PTK2: variants seen among roughly 807,000 people sequenced by gnomAD.
PTK2 encodes the protein protein tyrosine kinase 2.
A neutral mutation model predicts 150.1 loss-of-function variants in PTK2; 45 were observed. The observed-to-expected ratio is 0.30, with a 90% confidence interval of 0.24 to 0.38. The LOEUF (loss-of-function observed/expected upper bound fraction) is 0.38, where lower values mean the gene tolerates loss of function less well. Among genes scored for constraint, PTK2 ranks in the 10% least tolerant of loss-of-function variants. PTK2 has a pLI of 1.00. For missense variants in PTK2, 919 were observed against 1,307.3 expected (o/e 0.70, Z 4.58); for synonymous variants, 432 against 449.2 (o/e 0.96, Z 0.48).
intron 1 of PTK2, among the ~76,000 whole-genome samples, chr8:140,956,604 G>A (rs927104099): frequency 3.9e-5 from 6 of 152,150 alleles, no homozygotes; most frequent in Admixed American, 6.5e-5. Context: ...ATTCCAGAAG[G>A]CACTGTTAAC....
chr8:140,764,079 T>C, intron 15 of PTK2, 155 bp downstream of exon 17: 1 of 734,394 alleles, frequency 1.4e-6, no homozygotes, highest in South Asian at 1.6e-5. Flanking sequence ...CATATGTAAG[T>C]AATATAGAAT....
intron 2 of PTK2, among the ~76,000 whole-genome samples, chr8:140,912,731 C>G (rs1031041170): frequency 1.3e-5 from 2 of 151,978 alleles, no homozygotes; most frequent in African/African-American, 4.8e-5. Flanking sequence ...GAGGCCGAGG[C>G]GGGCGGATCA....
At chr8:140,882,325 T>C (rs776845666) in intron 3 of PTK2, among the ~76,000 whole-genome samples, 5 of 152,172 alleles carry the variant, frequency 3.3e-5, no homozygotes, top group Non-Finnish European at 7.3e-5. Context: ...AGTGCTGCCA[T>C]ATGGAAGTGC....
Position 140,881,465 on chromosome 8 carries a change from C to T in PTK2, c.196-1828G>A, listed in dbSNP as rs535219565. On this transcript the variant is annotated intron_variant, in intron 3 of 31. Transcript: ENST00000522684. ...CTGCCAGATCAACACCCAGTACGCACCAACACCAGTTATCCTTGGTAAACC... is the reference window on the plus strand; with the variant it reads ...CTGCCAGATCAACACCCAGTACGCATCAACACCAGTTATCCTTGGTAAACC... Among the ~76,000 whole-genome samples the T allele has an allele frequency of 2.6e-5, 4 of 152,308 alleles. No homozygotes were observed. The South Asian group carries it at 8.3e-4, about 32-fold the overall frequency.
At position 140,818,412 on chromosome 8, in the gene PTK2, A is replaced by G; in HGVS notation, c.790-58T>C. On this transcript the variant is annotated intron_variant, in intron 9 of 31. Coordinates refer to ENST00000522684, the Ensembl canonical transcript of PTK2. Reference sequence around the variant, plus strand: ...GGCAGAAGGAAAAAAGAAATACTTTAGATAAAGAGCCGTGGATATGTTAAA... The same window carrying G: ...GGCAGAAGGAAAAAAGAAATACTTTGGATAAAGAGCCGTGGATATGTTAAA... 1.4e-6 allele frequency: 2 copies of G among 1,458,054 alleles called. 1 individual carries two copies. The highest frequency in any genetic ancestry group is 1.9e-6 in the Non-Finnish European group (2 of 1,038,466). The allele number at this position is 1,458,054 out of a possible 1,614,324, so 90.3% of individuals were successfully genotyped here. A position where few individuals can be genotyped will look rare whatever the true frequency, so the allele number is the denominator to read the frequency against.
At chr8:141,000,322 C>G (rs2100199617) in intron 1 of PTK2, among the ~76,000 whole-genome samples, 1 of 152,212 alleles carries the variant, frequency 6.6e-6, no homozygotes, top group African/African-American at 2.4e-5. Context: ...CCACGGGGCT[C>G]TACCAAACTT....
At chr8:140,743,994 T>G (rs1039356385) in intron 19 of PTK2, among the ~76,000 whole-genome samples, 1 of 151,888 alleles carries the variant, frequency 6.6e-6, no homozygotes, top group Admixed American at 6.6e-5. Context: ...AGCCAGGATG[T>G]TCTCGATCTC....
chr8:140,873,624 C>T (rs2100143867), intron 4 of PTK2, among the ~76,000 whole-genome samples: 1 of 152,148 alleles, frequency 6.6e-6, no homozygotes. Flanking sequence ...CGCCATGACG[C>T]CTGGTAATTT....
intron 25 of PTK2, among the ~76,000 whole-genome samples, chr8:140,702,128 C>CAAAAAAAA (rs749591009): frequency 9.4e-5 from 4 of 42,716 alleles, no homozygotes; most frequent in Non-Finnish European, 1.2e-4. Context: ...ACTCTGTCTC[C>CAAAAAAAA]AAAAAAAAAA....
At chr8:140,969,814 G>C (rs1208697958) in intron 1 of PTK2, among the ~76,000 whole-genome samples, 1 of 152,198 alleles carries the variant, frequency 6.6e-6, no homozygotes, top group Admixed American at 6.5e-5. Flanking sequence ...GTGCTAGACT[G>C]TTGTCAATTC....
At chr8:140,680,551 A>AT (rs1271962353) in intron 27 of PTK2, among the ~76,000 whole-genome samples, 1 of 152,022 alleles carries the variant, frequency 6.6e-6, no homozygotes, top group Non-Finnish European at 1.5e-5. Flanking sequence ...ACAAATTTAC[A>AT]TTTTTTTCTG....
At chr8:140,846,273 A>G (rs1438980002) in exon 7 of PTK2, 1 of 1,610,888 alleles carries the variant, frequency 6.2e-7, no homozygotes, top group Non-Finnish European at 8.5e-7. Context: ...AATACTTCAT[A>G]GTTAGACTTC....
rs371288142 is a variant in PTK2 at position 140,912,925 on chromosome 8, G to A, written c.-33+12736C>T. Among the ~76,000 whole-genome samples the A allele has an allele frequency of 1.6e-4, 25 of 152,004 alleles. No individual in the cohort carries two copies. The South Asian group carries it at 4.8e-3, about 29-fold the overall frequency. ...CGTGCCACTGCACTCCAGCCTGGGC[G>A]ACAGAGCAAGACTCTGTCTCAAAAA... On this transcript the variant is annotated intron_variant, in intron 2 of 31. Transcript: ENST00000522684.
chr8:140,898,920 A>G (rs753218089), intron 2 of PTK2, among the ~76,000 whole-genome samples: 1 of 152,228 alleles, frequency 6.6e-6, no homozygotes, highest in Admixed American at 6.5e-5. Flanking sequence ...TGAGACAGCT[A>G]AATCAAAAGA....
chr8:140,792,071 C>T (rs1045046886), intron 13 of PTK2, among the ~76,000 whole-genome samples: 10 of 152,298 alleles, frequency 6.6e-5, no homozygotes, highest in African/African-American at 2.2e-4. Context: ...AGTAGAAGTA[C>T]ACAGAAAAGA....
At chr8:140,692,525 G>A (rs193043614) in intron 26 of PTK2, among the ~76,000 whole-genome samples, 155 of 152,254 alleles carry the variant, frequency 1.0e-3, no homozygotes, top group Non-Finnish European at 1.5e-3. Flanking sequence ...GCTGAAGCAG[G>A]AGAATCGCTT....
intron 1 of PTK2, among the ~76,000 whole-genome samples, chr8:140,984,504 A>C (rs1475871261): frequency 6.6e-6 from 1 of 152,170 alleles, no homozygotes; most frequent in African/African-American, 2.4e-5. Flanking sequence ...AAATATAACG[A>C]GATCCCTGGG....
At chr8:140,856,794 T>C (rs116529469) in intron 5 of PTK2, among the ~76,000 whole-genome samples, 75 of 152,324 alleles carry the variant, frequency 4.9e-4, no homozygotes, top group African/African-American at 1.6e-3. Flanking sequence ...ACAAAAACCA[T>C]AATTGAATAC....
At chr8:140,805,897 T>C (rs895467569) in intron 10 of PTK2, among the ~76,000 whole-genome samples, 8 of 152,192 alleles carry the variant, frequency 5.3e-5, no homozygotes, top group Non-Finnish European at 1.0e-4. Context: ...ATGATTTACA[T>C]AGCATGATTT....
Sources: allele counts gnomAD v4.1 joint callset (sites outside exome capture counted in the v4.1 genomes callset), GRCh38; gene constraint gnomAD v4.1.1; transcripts MANE v1.5; gene names NCBI Gene and HGNC (gene_info 2026-07-23, HGNC 2026-07-21).